GPR19: variants seen among roughly 807,000 people sequenced by gnomAD.
GPR19 encodes the protein G protein-coupled receptor 19.
GPR19 carries 14 observed loss-of-function variants against 28.5 expected under a neutral mutation model. That is an observed-to-expected ratio of 0.49 (90% CI 0.32 to 0.77). The LOEUF (loss-of-function observed/expected upper bound fraction) is 0.77, where lower values mean the gene tolerates loss of function less well. Among genes scored for constraint, GPR19 ranks in the 30% least tolerant of loss-of-function variants. The pLI, the probability that GPR19 is intolerant of heterozygous loss-of-function variation, is 0.03. For missense variants in GPR19, 409 were observed against 504.1 expected (o/e 0.81, Z 1.81); for synonymous variants, 173 against 184.1 (o/e 0.94, Z 0.49).
intron 2 of GPR19, among the ~76,000 whole-genome samples, chr12:12,694,188 C>CTTTTTTTTTTTTTTTTTTTTTTTTTTT (rs147543699): frequency 2.3e-5 from 1 of 43,810 alleles, no homozygotes; most frequent in Non-Finnish European, 4.0e-5. Flanking sequence ...GAGTACCTGT[C>CTTTTTTTTTTTTTTTTTTTTTTTTTTT]TTTTTTTTTT....
the GPR19 span, among the ~76,000 whole-genome samples, chr12:12,702,889 T>C: frequency 6.6e-6 from 1 of 152,240 alleles, no homozygotes; most frequent in Admixed American, 6.5e-5. Flanking sequence ...CTGACATGAA[T>C]CTCATCATGA....
intron 3 of GPR19, among the ~76,000 whole-genome samples, chr12:12,669,744 G>C (rs1213395947): frequency 6.6e-6 from 1 of 152,204 alleles, no homozygotes; most frequent in Admixed American, 6.5e-5. Context: ...ACTTCCAGTA[G>C]GGCAGGGCTT....
At chr12:12,707,820 G>A in the GPR19 span, among the ~76,000 whole-genome samples, 1 of 151,660 alleles carries the variant, frequency 6.6e-6, no homozygotes, top group Non-Finnish European at 1.5e-5. Context: ...CTGGCCTCAA[G>A]CGATCTTCCC....
intron 3 of GPR19, among the ~76,000 whole-genome samples, chr12:12,664,087 A>G (rs1374208488): frequency 6.6e-6 from 1 of 151,966 alleles, no homozygotes; most frequent in Non-Finnish European, 1.5e-5. Flanking sequence ...TCCCCCTCCC[A>G]GGTTCAATTC....
At chr12:12,707,887 A>C in the GPR19 span, among the ~76,000 whole-genome samples, 2 of 150,746 alleles carry the variant, frequency 1.3e-5, no homozygotes, top group Non-Finnish European at 2.9e-5. Context: ...CCGAGCCCAA[A>C]TTCTGTATTT....
intron 2 of GPR19, among the ~76,000 whole-genome samples, chr12:12,687,740 A>G (rs187315958): frequency 1.1e-4 from 16 of 152,348 alleles, no homozygotes; most frequent in Admixed American, 1.0e-3. Context: ...TTTCAACAAA[A>G]TTGGAAACAA....
the GPR19 span, among the ~76,000 whole-genome samples, chr12:12,716,146 G>A: frequency 6.6e-6 from 1 of 152,186 alleles, no homozygotes; most frequent in Non-Finnish European, 1.5e-5. Flanking sequence ...CGGTGCTCAA[G>A]CCCACACTGA....
At chr12:12,677,161 G>A (rs963255061) in intron 3 of GPR19, among the ~76,000 whole-genome samples, 1 of 151,732 alleles carries the variant, frequency 6.6e-6, no homozygotes, top group South Asian at 2.1e-4. Context: ...CCTCAGTCAG[G>A]GTTTTCTAGA....
At chr12:12,672,113 T>A (rs1945861597) in intron 3 of GPR19, among the ~76,000 whole-genome samples, 1 of 152,204 alleles carries the variant, frequency 6.6e-6, no homozygotes, top group African/African-American at 2.4e-5. Context: ...TAACCACTGG[T>A]AGCTACCCTA....
chr12:12,696,718 C>T (rs961755718), upstream of GPR19, among the ~76,000 whole-genome samples: 1 of 152,230 alleles, frequency 6.6e-6, no homozygotes, highest in Non-Finnish European at 1.5e-5. Context: ...CCAGTCCAGG[C>T]GAAGCGCTGT....
intron 3 of GPR19, among the ~76,000 whole-genome samples, chr12:12,681,939 A>C (rs555468117): frequency 3.8e-4 from 58 of 152,230 alleles, no homozygotes; most frequent in Non-Finnish European, 7.8e-4. Flanking sequence ...TCTGACCCTA[A>C]CCCACACTGA....
chr12:12,697,042 A>G (rs533629607), upstream of GPR19, among the ~76,000 whole-genome samples: 2 of 152,136 alleles, frequency 1.3e-5, no homozygotes, highest in Admixed American at 1.3e-4. Flanking sequence ...CTTATTTAGA[A>G]TGTAGGCCTA....
chr12:12,662,561 T>C, intron 3 of GPR19, 91 bp from the exon 4 acceptor site: 1 of 932,708 alleles, frequency 1.1e-6, no homozygotes, highest in East Asian at 2.5e-5. Context: ...TTATTTGACA[T>C]TTACATTGAT....
the GPR19 span, among the ~76,000 whole-genome samples, chr12:12,711,290 CAA>C: frequency 9.6e-4 from 105 of 109,570 alleles, no homozygotes; most frequent in Admixed American, 7.6e-4. Context: ...GAGACTCCAT[CAA>C]AAAAAAAAAA....
the GPR19 span, chr12:12,703,445 G>T: frequency 1.6e-5 from 16 of 984,804 alleles, no homozygotes; most frequent in Non-Finnish European, 1.7e-5. Context: ...ACCTTGAAAG[G>T]TTCGCAGGTA....
At chr12:12,710,268 G>A in the GPR19 span, among the ~76,000 whole-genome samples, 6 of 149,156 alleles carry the variant, frequency 4.0e-5, no homozygotes, top group East Asian at 1.0e-3. Context: ...CAGGAGAATC[G>A]TTTGAACCTG....
At chr12:12,679,490 T>C (rs1945986767) in intron 3 of GPR19, among the ~76,000 whole-genome samples, 1 of 149,758 alleles carries the variant, frequency 6.7e-6, no homozygotes, top group Admixed American at 6.7e-5. Flanking sequence ...CCCAGCTCCT[T>C]GGAAGGTTGA....
At chr12:12,715,480 T>C in the GPR19 span, among the ~76,000 whole-genome samples, 1 of 152,234 alleles carries the variant, frequency 6.6e-6, no homozygotes, top group Non-Finnish European at 1.5e-5. Context: ...CCTTCAATTT[T>C]AGTTGAACTA....
At chr12:12,664,506 A>T (rs994758175) in intron 3 of GPR19, among the ~76,000 whole-genome samples, 2 of 151,776 alleles carry the variant, frequency 1.3e-5, no homozygotes, top group African/African-American at 4.9e-5. Flanking sequence ...AAATTAAAAA[A>T]AAAGTTTTTG....
Sources: allele counts gnomAD v4.1 joint callset (sites outside exome capture counted in the v4.1 genomes callset), GRCh38; gene constraint gnomAD v4.1.1; transcripts MANE v1.5; gene names NCBI Gene and HGNC (gene_info 2026-07-23, HGNC 2026-07-21).